The following RANBP2 variants were observed in gnomAD, a reference collection of about 807,000 sequenced individuals.
The protein encoded by RANBP2 is RAN binding protein 2.
A neutral mutation model predicts 303.6 loss-of-function variants in RANBP2; 57 were observed. The ratio of observed to expected loss-of-function variants is 0.19; its 90% CI spans 0.15 to 0.23. The LOEUF (loss-of-function observed/expected upper bound fraction) is 0.23. RANBP2 is among the 10% of genes least tolerant of loss of function. RANBP2 has a pLI of 1.00. For synonymous variants in RANBP2, 1,167 were observed against 1,301.5 expected (o/e 0.90, Z 2.23); for missense variants, 3,138 against 3,780.8 (o/e 0.83, Z 4.46).
chr2:108,902,025 G>T, the RANBP2 span, among the ~76,000 whole-genome samples: 1 of 152,052 alleles, frequency 6.6e-6, no homozygotes, highest in Non-Finnish European at 1.5e-5. Flanking sequence ...GGACCACAAG[G>T]TCAGGAGTTC....
At chr2:108,964,751 T>C in the RANBP2 span, among the ~76,000 whole-genome samples, 1 of 152,184 alleles carries the variant, frequency 6.6e-6, no homozygotes, top group Non-Finnish European at 1.5e-5. Flanking sequence ...GCTCACTAAG[T>C]GACAGCAGGC....
At chr2:109,244,231 G>A in the RANBP2 span, among the ~76,000 whole-genome samples, 1 of 152,098 alleles carries the variant, frequency 6.6e-6, no homozygotes, top group Non-Finnish European at 1.5e-5. Context: ...AAAACATGAC[G>A]GGGGCATAAA....
At chr2:108,871,861 A>G in the RANBP2 span, among the ~76,000 whole-genome samples, 1 of 152,104 alleles carries the variant, frequency 6.6e-6, no homozygotes, top group Non-Finnish European at 1.5e-5. Context: ...TGTGACTACC[A>G]TTTCCACATT....
At chr2:109,371,759 C>G in the RANBP2 span, 669,399 of 1,226,512 alleles carry the variant, frequency 0.55, 183,532 homozygotes, top group South Asian at 0.57. Flanking sequence ...ACCTGACCTT[C>G]AAGCCCCTTT....
chr2:109,387,932 T>C, the RANBP2 span, among the ~76,000 whole-genome samples: 1 of 151,930 alleles, frequency 6.6e-6, no homozygotes, highest in Non-Finnish European at 1.5e-5. Context: ...GCTCCCACAC[T>C]GGCCCAGATT....
chr2:109,217,600 A>G, the RANBP2 span, among the ~76,000 whole-genome samples: 21 of 152,252 alleles, frequency 1.4e-4, no homozygotes, highest in African/African-American at 4.3e-4. Flanking sequence ...TGCATGTGTT[A>G]TAAACAGAAT....
the RANBP2 span, among the ~76,000 whole-genome samples, chr2:108,973,079 C>T: frequency 6.6e-6 from 1 of 152,162 alleles, no homozygotes; most frequent in Non-Finnish European, 1.5e-5. Flanking sequence ...CTCTGCCTCC[C>T]AGGTTCAAGC....
chr2:109,271,887 A>G, the RANBP2 span, among the ~76,000 whole-genome samples: 1 of 152,230 alleles, frequency 6.6e-6, no homozygotes, highest in South Asian at 2.1e-4. Flanking sequence ...CCCAAGGCAG[A>G]ATTGAGATTC....
the RANBP2 span, among the ~76,000 whole-genome samples, chr2:109,096,151 T>A: frequency 6.6e-6 from 1 of 152,216 alleles, no homozygotes; most frequent in East Asian, 1.9e-4. Context: ...CCTTACAGGA[T>A]CAAATTCTAA....
chr2:109,288,549 G>T, the RANBP2 span, among the ~76,000 whole-genome samples: 1 of 152,206 alleles, frequency 6.6e-6, no homozygotes, highest in Non-Finnish European at 1.5e-5. Flanking sequence ...TGTCATGTTG[G>T]TCTGGAGTCA....
At chr2:109,411,091 G>A in the RANBP2 span, among the ~76,000 whole-genome samples, 78,782 of 152,084 alleles carry the variant, frequency 0.52, 20,698 homozygotes, top group Middle Eastern at 0.57. Context: ...CCAGGCCTGC[G>A]TCCAGGGCCA....
the RANBP2 span, among the ~76,000 whole-genome samples, chr2:109,292,497 G>C: frequency 4.1e-3 from 624 of 152,312 alleles, no homozygotes; most frequent in Non-Finnish European, 7.2e-3. Flanking sequence ...TATTTCCCAT[G>C]ATTTCTGTAA....
the RANBP2 span, chr2:109,449,256 G>A: frequency 6.2e-7 from 1 of 1,612,418 alleles, no homozygotes; most frequent in Non-Finnish European, 8.5e-7. Context: ...CCGCCTGCCT[G>A]CCACCAGCCT....
chr2:109,129,171 G>T, the RANBP2 span: 3 of 431,364 alleles, frequency 7.0e-6, no homozygotes, highest in Non-Finnish European at 1.3e-5. Flanking sequence ...ACTTCCTGCC[G>T]CTGGTCTCCC....
chr2:108,752,349 G>T (rs1247984523), intron 12 of RANBP2, among the ~76,000 whole-genome samples: 1 of 152,000 alleles, frequency 6.6e-6, no homozygotes, highest in Non-Finnish European at 1.5e-5. Context: ...TCACCATGAG[G>T]TGTAGATGGT....
At chr2:108,826,739 T>C in the RANBP2 span, among the ~76,000 whole-genome samples, 1 of 152,180 alleles carries the variant, frequency 6.6e-6, no homozygotes, top group Admixed American at 6.5e-5. Flanking sequence ...AATGGCATTT[T>C]CATATGAATT....
the RANBP2 span, among the ~76,000 whole-genome samples, chr2:109,055,366 C>CTTTTTTTTTTTTTTT: frequency 6.0e-5 from 8 of 133,440 alleles, no homozygotes; most frequent in Non-Finnish European, 9.3e-5. Context: ...TTTTTCTTTT[C>CTTTTTTTTTTTTTTT]TTTTTTTTTT....
At chr2:109,161,717 A>G in the RANBP2 span, among the ~76,000 whole-genome samples, 1 of 151,906 alleles carries the variant, frequency 6.6e-6, no homozygotes, top group Non-Finnish European at 1.5e-5. Flanking sequence ...CGGGAGCAGG[A>G]CATGCCAGGC....
chr2:109,517,997 T>C, the RANBP2 span, among the ~76,000 whole-genome samples: 1 of 152,198 alleles, frequency 6.6e-6, no homozygotes, highest in Non-Finnish European at 1.5e-5. Context: ...TGAAAACAAG[T>C]GGGCTGAGCC....
Sources: allele counts gnomAD v4.1 joint callset (sites outside exome capture counted in the v4.1 genomes callset), GRCh38; gene constraint gnomAD v4.1.1; transcripts MANE v1.5; gene names NCBI Gene and HGNC (gene_info 2026-07-23, HGNC 2026-07-21).